Variants in PCDHA13 observed in about 807,000 individuals in gnomAD.
The protein encoded by PCDHA13 is protocadherin alpha 13.
A neutral mutation model predicts 64.8 loss-of-function variants in PCDHA13; 54 were observed. The observed-to-expected ratio is 0.83, with a 90% CI of 0.67 to 1.04. The LOEUF (loss-of-function observed/expected upper bound fraction) is 1.04, where lower values mean the gene tolerates loss of function less well. Among genes scored for constraint, PCDHA13 ranks in the 50% least tolerant of loss-of-function variants. The pLI, the probability that PCDHA13 is intolerant of heterozygous loss-of-function variation, is 0.00. For synonymous variants in PCDHA13, 587 were observed against 564.4 expected (o/e 1.04, Z -0.57); for missense variants, 1,248 against 1,254.3 (o/e 0.99, Z 0.08).
chr5:141,009,060 G>C (rs1192687086), intron 3 of PCDHA13, among the ~76,000 whole-genome samples: 4 of 152,176 alleles, frequency 2.6e-5, no homozygotes, highest in Non-Finnish European at 5.9e-5. Context: ...AATCACAACT[G>C]TATTCTTTAG....
At chr5:140,904,560 T>G (rs2071228381) in intron 1 of PCDHA13, among the ~76,000 whole-genome samples, 1 of 152,102 alleles carries the variant, frequency 6.6e-6, no homozygotes, top group African/African-American at 2.4e-5. Flanking sequence ...AATGACTTTT[T>G]TTTCCTCTGG....
intron 1 of PCDHA13, chr5:140,927,680 G>T: frequency 6.2e-7 from 1 of 1,614,140 alleles, no homozygotes; most frequent in Non-Finnish European, 8.5e-7. Context: ...CCAGATGAAG[G>T]GTCCAATGGG....
intron 1 of PCDHA13, among the ~76,000 whole-genome samples, chr5:140,891,064 A>T (rs1442139760): frequency 6.6e-6 from 1 of 152,206 alleles, no homozygotes; most frequent in East Asian, 1.9e-4. Flanking sequence ...AGTAAATATT[A>T]TTCCAGTGTC....
intron 1 of PCDHA13, chr5:140,929,425 A>G (rs2086148550): frequency 6.7e-7 from 1 of 1,496,844 alleles, no homozygotes. Context: ...CATTTCATCA[A>G]TTGAACTAAA....
chr5:140,940,073 A>G (rs1197351000), intron 1 of PCDHA13, among the ~76,000 whole-genome samples: 1 of 152,182 alleles, frequency 6.6e-6, no homozygotes, highest in Non-Finnish European at 1.5e-5. Context: ...AATATGTGAT[A>G]TCTTTCTGCT....
chr5:140,946,327 G>C (rs2093929992), intron 1 of PCDHA13, among the ~76,000 whole-genome samples: 2 of 151,720 alleles, frequency 1.3e-5, no homozygotes, highest in Non-Finnish European at 3.0e-5. Flanking sequence ...AAAGAGGAAA[G>C]ATAACAAGTG....
At chr5:140,927,360 T>G in intron 1 of PCDHA13, 1 of 1,613,972 alleles carries the variant, frequency 6.2e-7, no homozygotes, top group Non-Finnish European at 8.5e-7. Flanking sequence ...AGGGAAGCAA[T>G]GGGATACTAA....
At chr5:140,977,141 C>T (rs1264237183) in intron 1 of PCDHA13, among the ~76,000 whole-genome samples, 1 of 152,204 alleles carries the variant, frequency 6.6e-6, no homozygotes, top group Non-Finnish European at 1.5e-5. Flanking sequence ...GTCAGTCCTG[C>T]TGGAACTGTG....
At chr5:140,993,227 C>T (rs1464075096) in intron 3 of PCDHA13, among the ~76,000 whole-genome samples, 1 of 152,084 alleles carries the variant, frequency 6.6e-6, no homozygotes, top group African/African-American at 2.4e-5. Context: ...TTGGTATGTT[C>T]TCTCTGAATC....
rs1002607780 is a variant in PCDHA13 at position 141,011,898 on chromosome 5, T to G, written c.*1961T>G. 1.8e-4 allele frequency: 27 copies of G among 148,586 alleles called. 1 individual carries two copies. Among genetic ancestry groups the G allele is most frequent in the Admixed American group, 1.5e-3 (23 of 15,026 alleles). The allele number at this position is 148,586 out of a possible 1,614,324, so 9.2% of individuals were successfully genotyped here. On this transcript the variant is annotated 3_prime_UTR_variant, in exon 4 of 4. Coordinates refer to ENST00000289272, the MANE Select transcript of PCDHA13 (RefSeq NM_018904.3). ...TAGAAGTTTGATTAATTATATTATC[T>G]ATTTAGGCATTAATATAAAAGAGGT...
intron 1 of PCDHA13, among the ~76,000 whole-genome samples, chr5:140,916,270 G>A (rs1487301756): frequency 1.3e-5 from 2 of 152,180 alleles, no homozygotes; most frequent in Admixed American, 1.3e-4. Flanking sequence ...GAGCATGCTT[G>A]TTGCTCTACT....
chr5:140,933,130 AAGGTAGAT>A (rs1554209200), intron 1 of PCDHA13, among the ~76,000 whole-genome samples: 1 of 151,994 alleles, frequency 6.6e-6, no homozygotes, highest in East Asian at 1.9e-4. Context: ...CTAAATAATA[AAGGTAGAT>A]AGCCACTCAT....
rs535420158 is a variant in PCDHA13, at chr5:140,966,438, T to TC, written c.2395-12508dup. Reference sequence around the variant, plus strand: ...AGGACTTGCTGAGCCCTCCTACCGCTCCCTTTCCCCCTCCCCCTCTGTCTT... The same window carrying TC: ...AGGACTTGCTGAGCCCTCCTACCGCTCCCCTTTCCCCCTCCCCCTCTGTCTT... On this transcript the variant is annotated intron_variant, in intron 1 of 3. Transcript: ENST00000289272. 1.4e-5 allele frequency: 6 copies of TC among 422,688 alleles called. No homozygotes were observed. The East Asian group carries it at 1.4e-4, about 10-fold the overall frequency. 26.2% of individuals were successfully genotyped at this position (422,688 alleles called of 1,614,324 possible).
chr5:140,998,805 C>T (rs1226450562), intron 3 of PCDHA13, among the ~76,000 whole-genome samples: 1 of 152,204 alleles, frequency 6.6e-6, no homozygotes, highest in Admixed American at 6.5e-5. Flanking sequence ...CTCAGGTGAT[C>T]TGCCTGCCTT....
At chr5:141,001,683 C>T (rs1042436989) in intron 3 of PCDHA13, among the ~76,000 whole-genome samples, 1 of 152,030 alleles carries the variant, frequency 6.6e-6, no homozygotes, top group Non-Finnish European at 1.5e-5. Flanking sequence ...TCCAACAAAC[C>T]CCACAGATGG....
chr5:140,985,675 T>C (rs1477813786), intron 3 of PCDHA13, among the ~76,000 whole-genome samples: 1 of 151,998 alleles, frequency 6.6e-6, no homozygotes, highest in Non-Finnish European at 1.5e-5. Context: ...AAGTGGGGCC[T>C]GCCTTACGCT....
chr5:140,991,033 TACTTA>T (rs567583919), intron 3 of PCDHA13, among the ~76,000 whole-genome samples: 53 of 152,330 alleles, frequency 3.5e-4, no homozygotes, highest in African/African-American at 1.3e-3. Context: ...ATATGTTGCA[TACTTA>T]ACTTTGAGAG....
chr5:140,884,538 G>C lies in PCDHA13; in HGVS notation c.2270G>C (p.Arg757Thr). The change falls in exon 1 of 4, where the codon AGG (arginine) becomes ACG (threonine). Residue 757 changes from arginine to threonine, a missense_variant. By Grantham distance (71) the Arg-to-Thr change is moderately conservative. Coordinates refer to ENST00000289272, the MANE Select transcript of PCDHA13 (RefSeq NM_018904.3). Reference protein sequence around the residue: ...SWSYSQQRRPRVCSGEGPHKT... With the variant: ...SWSYSQQRRPTVCSGEGPHKT... Reference sequence around the variant, plus strand: ...TCGTACTCGCAGCAGAGGCGGCCGAGGGTGTGCTCTGGGGAGGGCCCGCAT... The same window carrying C: ...TCGTACTCGCAGCAGAGGCGGCCGACGGTGTGCTCTGGGGAGGGCCCGCAT... 6.2e-7 allele frequency: 1 copy of C among 1,614,112 alleles called. No individual in the cohort carries two copies. The highest frequency in any genetic ancestry group is 8.5e-7 in the Non-Finnish European group (1 of 1,179,996).
chr5:140,969,680 G>A (rs2096353475), intron 1 of PCDHA13, among the ~76,000 whole-genome samples: 1 of 152,204 alleles, frequency 6.6e-6, no homozygotes, highest in African/African-American at 2.4e-5. Context: ...TGAGACTCAA[G>A]GAGAAATGGC....
Sources: allele counts gnomAD v4.1 joint callset (sites outside exome capture counted in the v4.1 genomes callset), GRCh38; gene constraint gnomAD v4.1.1; transcripts MANE v1.5; gene names NCBI Gene and HGNC (gene_info 2026-07-23, HGNC 2026-07-21).